Variants in EPB41 observed in about 807,000 individuals in gnomAD.
EPB41 encodes the protein erythrocyte membrane protein band 4.1.
Under a neutral mutation model 108.0 loss-of-function variants are expected in EPB41, and 65 were observed. The observed-to-expected ratio is 0.60, with a 90% confidence interval of 0.49 to 0.74. The LOEUF (loss-of-function observed/expected upper bound fraction) is 0.74, where lower values mean the gene tolerates loss of function less well. Ranked by LOEUF, EPB41 falls within the 30% of genes least tolerant of loss-of-function variation. The pLI, the probability that EPB41 is intolerant of heterozygous loss-of-function variation, is 0.00. For synonymous variants in EPB41, 336 were observed against 358.9 expected (o/e 0.94, Z 0.72); for missense variants, 875 against 1,037.0 (o/e 0.84, Z 2.15).
intron 16 of EPB41, chr1:29,096,539 C>T (rs533940828): frequency 4.7e-5 from 46 of 985,700 alleles, no homozygotes; most frequent in Non-Finnish European, 5.4e-5. Context: ...ACCTGGAAAA[C>T]AAAATGGATC....
At chr1:29,064,457 A>G (rs1484513367) in intron 15 of EPB41, among the ~76,000 whole-genome samples, 2 of 152,204 alleles carry the variant, frequency 1.3e-5, no homozygotes, top group African/African-American at 4.8e-5. Flanking sequence ...ATAGAGAAGT[A>G]AAACCATCTC....
intron 1 of EPB41, among the ~76,000 whole-genome samples, chr1:28,895,385 G>A (rs140711360): frequency 6.6e-4 from 101 of 152,158 alleles, no homozygotes; most frequent in African/African-American, 2.2e-3. Flanking sequence ...TATTATCCCC[G>A]CTTCATGGCA....
chr1:28,993,473 C>G lies in EPB41; in HGVS notation c.612C>G (p.Ile204Met), dbSNP rs1421163532. 1.9e-6 allele frequency: 3 copies of G among 1,613,958 alleles called. No individual in the cohort carries two copies. The highest frequency in any genetic ancestry group is 1.1e-5 in the South Asian group (1 of 91,060). The change falls in exon 3 of 21, where the codon ATC becomes ATG. Residue 204 changes from isoleucine to methionine, a missense_variant. By Grantham distance (10) the Ile-to-Met change is conservative. Transcript: ENST00000343067. ...ETELKASQKP[I>M]RKHRNMHCKV... ...AATTAAAAGCTTCCCAAAAACCAAT[C>G]AGAAAACACAGGAACATGCACTGCA...
chr1:29,091,743 G>T (rs1661263044), intron 16 of EPB41, among the ~76,000 whole-genome samples: 1 of 152,144 alleles, frequency 6.6e-6, no homozygotes, highest in Non-Finnish European at 1.5e-5. Context: ...GACAGAGACA[G>T]CCTTGTTGTC....
intron 1 of EPB41, among the ~76,000 whole-genome samples, chr1:28,928,345 C>G (rs556934473): frequency 6.6e-6 from 1 of 152,276 alleles, no homozygotes; most frequent in Non-Finnish European, 1.5e-5. Context: ...ATCTTACCAG[C>G]CTGTGGTTAT....
chr1:28,889,472 C>T (rs139228074), intron 1 of EPB41, among the ~76,000 whole-genome samples: 290 of 152,356 alleles, frequency 1.9e-3, no homozygotes, highest in Middle Eastern at 0.017. Context: ...AACAGAAGCT[C>T]CCACCCAGGC....
intron 12 of EPB41, among the ~76,000 whole-genome samples, chr1:29,057,675 T>A (rs1021429380): frequency 1.3e-5 from 2 of 152,190 alleles, no homozygotes; most frequent in African/African-American, 4.8e-5. Flanking sequence ...TTTTTTAATT[T>A]AAAATATCCA....
chr1:29,016,179 G>T lies in EPB41; in HGVS notation c.905+412G>T, dbSNP rs1259088257. 2.6e-5 allele frequency among the ~76,000 whole-genome samples: 4 copies of T among 151,766 alleles called. No homozygotes were observed. The East Asian group carries it at 5.8e-4, about 22-fold the overall frequency. On this transcript the variant is annotated intron_variant, in intron 6 of 20. Transcript: ENST00000343067. ...CACCATGTTCCTTCTTTTTGTTGTT[G>T]TTTTTTGTTTTTTGAGACGGAGTCT...
chr1:29,035,199 G>T (rs2150356548), intron 9 of EPB41, among the ~76,000 whole-genome samples: 1 of 152,020 alleles, frequency 6.6e-6, no homozygotes, highest in South Asian at 2.1e-4. Context: ...TGGTCAGGCT[G>T]GTCTTGAACT....
intron 7 of EPB41, among the ~76,000 whole-genome samples, chr1:29,028,095 A>G (rs557284504): frequency 7.2e-5 from 11 of 152,274 alleles, no homozygotes; most frequent in African/African-American, 2.6e-4. Flanking sequence ...AAGTGCTGGG[A>G]TTATAGACGT....
At chr1:29,014,586 G>C (rs1445440971) in intron 5 of EPB41, among the ~76,000 whole-genome samples, 5 of 151,782 alleles carry the variant, frequency 3.3e-5, no homozygotes, top group African/African-American at 1.2e-4. Context: ...TATTTTTAGA[G>C]ATGGGGTTTC....
At chr1:28,993,934 G>A (rs1442148597) in intron 3 of EPB41, among the ~76,000 whole-genome samples, 1 of 152,090 alleles carries the variant, frequency 6.6e-6, no homozygotes, top group Non-Finnish European at 1.5e-5. Context: ...TGGGATTACA[G>A]GCATGAGCCA....
At chr1:28,976,481 A>G (rs1268193281) in intron 1 of EPB41, among the ~76,000 whole-genome samples, 1 of 152,102 alleles carries the variant, frequency 6.6e-6, no homozygotes, top group East Asian at 1.9e-4. Flanking sequence ...CAGACTCCCA[A>G]GTAGCTGGGA....
chr1:28,987,136 C>T (rs2095886082), intron 1 of EPB41, among the ~76,000 whole-genome samples: 1 of 152,110 alleles, frequency 6.6e-6, no homozygotes, highest in African/African-American at 2.4e-5. Flanking sequence ...GTATACAGTT[C>T]TAGGCATTGG....
chr1:29,051,088 G>GTTTTTTTTTTTTTTTTTTTTTTTTTT, intron 11 of EPB41, among the ~76,000 whole-genome samples: 1 of 51,576 alleles, frequency 1.9e-5, no homozygotes, highest in Non-Finnish European at 3.2e-5. Flanking sequence ...TTCTTTTTCT[G>GTTTTTTTTTTTTTTTTTTTTTTTTTT]TTTTTTTTTT....
rs150576316 is a variant in EPB41 at position 28,979,030 on chromosome 1, C to G, written c.-7-8401C>G. 3.0e-3 allele frequency among the ~76,000 whole-genome samples: 455 copies of G among 151,382 alleles called. 22 individuals are homozygous for G. The highest frequency in any genetic ancestry group is 0.011 in the African/African-American group (436 of 40,840). ...TCTGTCATGTATCTATATACATATC[C>G]TATTGGTTCTGTCACTCTGGAGAAC... is the stretch of plus-strand genomic sequence containing the variant. On this transcript the variant is annotated intron_variant, in intron 1 of 20. Transcript: ENST00000343067.
At chr1:29,032,978 T>G in intron 8 of EPB41, 115 bp from the exon 9 acceptor site, 2 of 1,050,380 alleles carry the variant, frequency 1.9e-6, no homozygotes, top group Non-Finnish European at 2.9e-6. Flanking sequence ...AGCTTTATTT[T>G]TCATTGTATG....
At chr1:29,112,294 C>A in intron 18 of EPB41, 74 bp from the exon 19 acceptor site, 1 of 1,272,936 alleles carries the variant, frequency 7.9e-7, no homozygotes, top group Non-Finnish European at 1.1e-6. Flanking sequence ...AACCACTAAA[C>A]CTGGCCTCTT....
chr1:29,062,744 T>C (rs763178172), intron 15 of EPB41, among the ~76,000 whole-genome samples: 11 of 151,872 alleles, frequency 7.2e-5, no homozygotes, highest in Non-Finnish European at 1.2e-4. Flanking sequence ...AGTTCATTTT[T>C]AGATCTACCG....
Sources: gnomAD v4.1 joint callset for allele counts (sites outside exome capture counted in the v4.1 genomes callset) on GRCh38, gnomAD v4.1.1 for gene constraint, MANE v1.5 for transcripts, NCBI Gene and HGNC (gene_info 2026-07-23, HGNC 2026-07-21) for gene names.